FNBP1: variants seen among roughly 807,000 people sequenced by gnomAD.
The protein encoded by FNBP1 is formin binding protein 1, also known as formin-binding protein 1.
A neutral mutation model predicts 90.6 loss-of-function variants in FNBP1; 26 were observed. That is an observed-to-expected ratio of 0.29 (90% confidence interval 0.21 to 0.40). The LOEUF is 0.40. FNBP1 is among the 10% of genes least tolerant of loss of function. FNBP1 has a pLI of 1.00. For synonymous variants in FNBP1, 260 were observed against 265.2 expected (o/e 0.98, Z 0.19); for missense variants, 635 against 768.0 (o/e 0.83, Z 2.05).
Position 129,907,580 on chromosome 9 carries a change from GGTGTGTGTGTGTGTGT to G in FNBP1, c.1295+1294_1295+1309del, listed in dbSNP as rs55973122. ...ATCCTTAGCTCTTGCTAGGAGTGAG[GGTGTGTGTGTGTGTGT>G]GTGTGTGTGTGTGTGTGTGTGTGTG... On this transcript the variant is annotated intron_variant, in intron 12 of 16. Coordinates refer to ENST00000446176, the MANE Select transcript of FNBP1 (RefSeq NM_015033.3). 5.7e-3 allele frequency among the ~76,000 whole-genome samples: 836 copies of G among 146,454 alleles called. 5 individuals carry two copies. Among genetic ancestry groups the G allele is most frequent in the African/African-American group, 0.016 (626 of 39,704 alleles).
intron 6 of FNBP1, among the ~76,000 whole-genome samples, chr9:129,946,507 T>C (rs1435961722): frequency 6.6e-6 from 1 of 152,184 alleles, no homozygotes; most frequent in African/African-American, 2.4e-5. Flanking sequence ...AGAGAGCTCT[T>C]CTGGCCATCC....
At chr9:130,033,826 C>A (rs1356466374) in intron 1 of FNBP1, among the ~76,000 whole-genome samples, 7 of 136,602 alleles carry the variant, frequency 5.1e-5, no homozygotes, top group African/African-American at 1.9e-4. Flanking sequence ...AACATGGTAA[C>A]CCCGCCTCTA....
chr9:130,053,692 A>C, the FNBP1 span: 1 of 556,244 alleles, frequency 1.8e-6, no homozygotes. Flanking sequence ...TTGTTATGGC[A>C]ACCGCCAATA....
At chr9:130,046,580 C>CAAAAAAAAAAAA (rs56392821), upstream of FNBP1, among the ~76,000 whole-genome samples, 89 of 66,780 alleles carry the variant, frequency 1.3e-3, no homozygotes, top group East Asian at 2.4e-3. Flanking sequence ...ACTAAAAATA[C>CAAAAAAAAAAAA]AAAAAAAAAA....
chr9:129,931,513 C>T (rs545491477), intron 6 of FNBP1, among the ~76,000 whole-genome samples: 3 of 151,236 alleles, frequency 2.0e-5, no homozygotes, highest in African/African-American at 7.3e-5. Flanking sequence ...GGCTGAGGCA[C>T]GAGAATGGCG....
In FNBP1 at chr9:130,031,260, G is replaced by A. The variant is rs72757286; in HGVS notation, c.24+11692C>T. 0.075 allele frequency among the ~76,000 whole-genome samples: 11,401 copies of A among 152,270 alleles called. 547 individuals carry two copies. Among genetic ancestry groups the A allele is most frequent in the Admixed American group, 0.13 (1,968 of 15,290 alleles). ...CGGCCCAGCGTGGCCTGAAGCTACC[G>A]AGCTCCTCTCCATCCTTCTCCACAC... is the stretch of plus-strand genomic sequence containing the variant. On this transcript the variant is annotated intron_variant, in intron 1 of 16. Transcript: ENST00000446176. This position sits in a 1 kb window ranked among gnomAD's most constrained non-coding sequence, Gnocchi z 4.2.
At chr9:129,945,577 T>A (rs1217623226) in intron 6 of FNBP1, among the ~76,000 whole-genome samples, 1 of 152,160 alleles carries the variant, frequency 6.6e-6, no homozygotes, top group Non-Finnish European at 1.5e-5. Context: ...ATAACTAAAG[T>A]GGTCATTGTG....
chr9:129,924,711 C>T (rs754188635), intron 9 of FNBP1, among the ~76,000 whole-genome samples: 5 of 152,078 alleles, frequency 3.3e-5, no homozygotes, highest in African/African-American at 1.2e-4. Flanking sequence ...TGAGGCGAAA[C>T]GGTGGAGAGG....
intron 6 of FNBP1, among the ~76,000 whole-genome samples, chr9:129,939,849 C>G (rs558987749): frequency 9.1e-4 from 138 of 152,158 alleles, no homozygotes; most frequent in African/African-American, 3.2e-3. Context: ...ACCATGAGAG[C>G]TGATGCGATA....
chr9:130,038,542 G>A (rs1308725199), intron 1 of FNBP1, among the ~76,000 whole-genome samples: 1 of 151,452 alleles, frequency 6.6e-6, no homozygotes, highest in Non-Finnish European at 1.5e-5. Context: ...GATTACCTGC[G>A]TGGACCACCA....
chr9:129,929,738 G>T, intron 6 of FNBP1, 43 bp from the exon 7 acceptor site: 1 of 1,604,168 alleles, frequency 6.2e-7, no homozygotes, highest in South Asian at 1.1e-5. Flanking sequence ...ATACACCATA[G>T]ATAAAAGCCT....
intron 6 of FNBP1, among the ~76,000 whole-genome samples, chr9:129,955,286 T>C (rs1423782714): frequency 2.0e-5 from 3 of 151,344 alleles, no homozygotes; most frequent in Non-Finnish European, 4.4e-5. Context: ...CAGGCTGGAG[T>C]GCAGCAGCAG....
chr9:129,973,286 C>G (rs2049772862), intron 4 of FNBP1, among the ~76,000 whole-genome samples: 2 of 152,162 alleles, frequency 1.3e-5, no homozygotes, highest in South Asian at 4.1e-4. Context: ...GATTTGAGCT[C>G]TAACTCTGTT....
chr9:129,994,946 T>A lies in FNBP1; in HGVS notation c.37A>T (p.Asn13Tyr). The change falls in exon 2 of 17, where the codon AAC (asparagine) becomes TAC (tyrosine). Residue 13 changes from asparagine to tyrosine, a missense_variant. By Grantham distance (143) the Asn-to-Tyr change is moderately radical (BLOSUM62 -2). Coordinates refer to ENST00000446176, the MANE Select transcript of FNBP1 (RefSeq NM_015033.3). The part of the protein sequence containing the change: ...WGTELWDQFD[N>Y]LEKHTQWGID... ...CCCCACTGTGTGTGTTTTTCTAAGTTGTCAAACTGATCCTGTTGAAACAAA... is the reference window on the plus strand; with the variant it reads ...CCCCACTGTGTGTGTTTTTCTAAGTAGTCAAACTGATCCTGTTGAAACAAA... The A allele has an allele frequency of 6.5e-7, 1 of 1,549,654 alleles. No individual in the cohort carries two copies. Among genetic ancestry groups the A allele is most frequent in the Non-Finnish European group, 8.9e-7 (1 of 1,124,634 alleles).
intron 11 of FNBP1, among the ~76,000 whole-genome samples, chr9:129,911,750 G>T (rs1327949504): frequency 2.6e-5 from 4 of 152,014 alleles, no homozygotes; most frequent in Non-Finnish European, 5.9e-5. Flanking sequence ...GACCAACATA[G>T]AGAAACTCTG....
At chr9:129,971,579 C>T (rs1375285953) in intron 4 of FNBP1, among the ~76,000 whole-genome samples, 8 of 152,106 alleles carry the variant, frequency 5.3e-5, no homozygotes, top group Non-Finnish European at 1.2e-4. Flanking sequence ...TTAGCAGAGA[C>T]AGGGTTTCAC....
At chr9:129,984,917 CAAATT>C (rs1224674198) in intron 2 of FNBP1, among the ~76,000 whole-genome samples, 1 of 152,016 alleles carries the variant, frequency 6.6e-6, no homozygotes. Flanking sequence ...AACTGTAAGT[CAAATT>C]AAACTTCTTT....
intron 1 of FNBP1, among the ~76,000 whole-genome samples, chr9:130,008,783 G>A (rs2056159555): frequency 6.6e-6 from 1 of 152,112 alleles, no homozygotes; most frequent in South Asian, 2.1e-4. Context: ...CCCGCCTCTA[G>A]CTGTCCTGCA....
chr9:130,002,322 T>A (rs1305866745), intron 1 of FNBP1, among the ~76,000 whole-genome samples: 1 of 152,200 alleles, frequency 6.6e-6, no homozygotes, highest in African/African-American at 2.4e-5. Context: ...CTGCTATAGT[T>A]TGGATGTCTG....
Sources: allele counts gnomAD v4.1 joint callset (sites outside exome capture counted in the v4.1 genomes callset), GRCh38; gene constraint gnomAD v4.1.1; non-coding constraint Gnocchi (gnomAD v3.1); transcripts MANE v1.5; gene names NCBI Gene and HGNC (gene_info 2026-07-23, HGNC 2026-07-21).